DNMBP: variants seen among roughly 807,000 people sequenced by gnomAD.
DNMBP encodes dynamin-binding protein.
In DNMBP, 87 loss-of-function variants were observed where a neutral mutation model predicts 150.0. The ratio of observed to expected loss-of-function variants is 0.58; its 90% CI spans 0.49 to 0.69. DNMBP has a LOEUF of 0.69. DNMBP is among the 30% of genes least tolerant of loss of function. The pLI, the probability that DNMBP is intolerant of heterozygous loss-of-function variation, is 0.00. For synonymous variants in DNMBP, 711 were observed against 750.4 expected (o/e 0.95, Z 0.86); for missense variants, 1,774 against 1,949.0 (o/e 0.91, Z 1.69).
At chr10:99,890,904 C>A (rs973108261) in intron 11 of DNMBP, among the ~76,000 whole-genome samples, 5 of 152,136 alleles carry the variant, frequency 3.3e-5, no homozygotes, top group African/African-American at 1.2e-4. Flanking sequence ...ACCTCGGCCT[C>A]CCAAAGTGTT....
chr10:99,897,921 T>A (rs187479217), intron 9 of DNMBP, 165 bp downstream of exon 9: 129 of 640,544 alleles, frequency 2.0e-4, no homozygotes, highest in East Asian at 3.3e-4. Flanking sequence ...TCAAAAAAAA[T>A]AATAATAAAA....
chr10:100,008,421 C>T (rs1385627815), intron 1 of DNMBP, among the ~76,000 whole-genome samples: 3 of 152,196 alleles, frequency 2.0e-5, no homozygotes, highest in Admixed American at 2.0e-4. Context: ...CAGACTTGAG[C>T]TACTCTCCAC....
intron 1 of DNMBP, among the ~76,000 whole-genome samples, chr10:100,003,223 G>A (rs763003549): frequency 4.6e-5 from 7 of 152,036 alleles, no homozygotes; most frequent in African/African-American, 9.7e-5. Flanking sequence ...GGCACACACC[G>A]GTAGCCCCAG....
Position 99,955,556 on chromosome 10 carries a change from G to A in DNMBP, c.1918C>T (p.Arg640Ter), listed in dbSNP as rs1159828163. Residue 640 changes from arginine to a stop codon, truncating the protein, a stop_gained, in exon 4 of 17, where the codon CGA (arginine) becomes TGA (stop). Transcript: ENST00000324109. LOFTEE classifies it high-confidence loss of function. ...GGCAGGGGAGCTGGGCGAGAGGGTC[G>A]CACCACCAAGGGTGGTGCAGGTTTT... Reference protein sequence around the residue: ...NLKPAPPLVVRPSRPAPLPPS... With the variant: ...NLKPAPPLVV 2 of 1,601,170 alleles carry A rather than the reference G, an allele frequency of 1.2e-6. No individual in the cohort carries two copies. Among genetic ancestry groups the A allele is most frequent in the Non-Finnish European group, 1.7e-6 (2 of 1,174,258 alleles).
At chr10:99,892,914 C>G (rs2039595510) in intron 11 of DNMBP, among the ~76,000 whole-genome samples, 1 of 152,118 alleles carries the variant, frequency 6.6e-6, no homozygotes, top group African/African-American at 2.4e-5. Context: ...AGTCAATAAA[C>G]TGAGGTAGGG....
At chr10:99,946,509 G>T (rs1443459349) in intron 4 of DNMBP, among the ~76,000 whole-genome samples, 1 of 152,084 alleles carries the variant, frequency 6.6e-6, no homozygotes, top group African/African-American at 2.4e-5. Flanking sequence ...ATAAGCAATG[G>T]GGAAAGAATT....
intron 4 of DNMBP, among the ~76,000 whole-genome samples, chr10:99,936,735 T>G (rs912334567): frequency 8.5e-5 from 13 of 152,100 alleles, no homozygotes; most frequent in African/African-American, 3.1e-4. Context: ...GTTAGGGTCT[T>G]GCTCTGTTGC....
chr10:99,980,731 G>T (rs1199708490), intron 1 of DNMBP, among the ~76,000 whole-genome samples: 1 of 150,782 alleles, frequency 6.6e-6, no homozygotes, highest in Non-Finnish European at 1.5e-5. Flanking sequence ...CTTGAGCCCA[G>T]GAGATTGAGG....
chr10:99,987,520 G>A (rs1053433045), intron 1 of DNMBP, among the ~76,000 whole-genome samples: 3 of 152,138 alleles, frequency 2.0e-5, no homozygotes, highest in African/African-American at 7.2e-5. Context: ...GATCACCTGA[G>A]GTCAGGAGTT....
chr10:100,005,467 T>C (rs778511679), intron 1 of DNMBP, among the ~76,000 whole-genome samples: 2 of 152,168 alleles, frequency 1.3e-5, no homozygotes, highest in Non-Finnish European at 1.5e-5. Flanking sequence ...AAAACACTAC[T>C]CAGAGACCTG....
chr10:99,931,596 T>C (rs2040159031), intron 4 of DNMBP, among the ~76,000 whole-genome samples: 1 of 152,196 alleles, frequency 6.6e-6, no homozygotes, highest in Non-Finnish European at 1.5e-5. Context: ...ATTCATTTCT[T>C]AAACCTCTTT....
chr10:99,991,754 AAGTT>A (rs1309806688), intron 1 of DNMBP, among the ~76,000 whole-genome samples: 2 of 151,418 alleles, frequency 1.3e-5, no homozygotes, highest in Non-Finnish European at 2.9e-5. Context: ...AAAATACAAA[AAGTT>A]AGCCAGGCGT....
At chr10:99,877,876 C>G (rs1322746185) in intron 16 of DNMBP, among the ~76,000 whole-genome samples, 2 of 152,006 alleles carry the variant, frequency 1.3e-5, no homozygotes, top group African/African-American at 4.8e-5. Flanking sequence ...GGAACAAACA[C>G]CAATTTGGGA....
At chr10:99,951,358 A>G (rs192755428) in intron 4 of DNMBP, among the ~76,000 whole-genome samples, 13 of 152,332 alleles carry the variant, frequency 8.5e-5, no homozygotes, top group Admixed American at 7.8e-4. Flanking sequence ...CAGAGTCCCT[A>G]CTGGGGCACC....
intron 1 of DNMBP, among the ~76,000 whole-genome samples, chr10:100,006,890 G>A (rs749672658): frequency 6.6e-6 from 1 of 152,180 alleles, no homozygotes; most frequent in Non-Finnish European, 1.5e-5. Flanking sequence ...AAGGTGGGTG[G>A]ATCGCTTGAG....
intron 10 of DNMBP, 69 bp from the exon 11 acceptor site, chr10:99,895,119 TTGC>T: frequency 1.2e-6 from 1 of 854,672 alleles, no homozygotes; most frequent in Non-Finnish European, 1.8e-6. Flanking sequence ...CAAAAGTAGC[TTGC>T]TTTTTTTTTT....
In DNMBP at chr10:100,009,202, G is replaced by GTTA. The variant is rs1290622564; in HGVS notation, c.-11+635_-11+636insTAA. 4.6e-5 allele frequency among the ~76,000 whole-genome samples: 7 copies of GTTA among 152,336 alleles called. No individual in the cohort carries two copies. The East Asian group carries it at 1.2e-3, about 25-fold the overall frequency. ...TACTCCTCATCTGCATCAGGCCCCGGCCTGTTTGGTAACCTCAATATTCCT... is the reference window on the plus strand; with the variant it reads ...TACTCCTCATCTGCATCAGGCCCCGGTTACCTGTTTGGTAACCTCAATATTCCT... On this transcript the variant is annotated intron_variant, in intron 1 of 16. Coordinates refer to ENST00000324109, the MANE Select transcript of DNMBP (RefSeq NM_015221.4).
At chr10:99,944,564 G>A (rs915410948) in intron 4 of DNMBP, among the ~76,000 whole-genome samples, 1 of 152,126 alleles carries the variant, frequency 6.6e-6, no homozygotes, top group African/African-American at 2.4e-5. Flanking sequence ...TTGACTGGAA[G>A]CTCCTTGAGA....
At chr10:99,969,857 C>T (rs2040657175) in intron 2 of DNMBP, among the ~76,000 whole-genome samples, 1 of 152,180 alleles carries the variant, frequency 6.6e-6, no homozygotes, top group African/African-American at 2.4e-5. Context: ...ACTGCAGCGA[C>T]CTTCCAAATG....
Sources: allele counts gnomAD v4.1 joint callset (sites outside exome capture counted in the v4.1 genomes callset), GRCh38; gene constraint gnomAD v4.1.1; transcripts MANE v1.5; gene names NCBI Gene and HGNC (gene_info 2026-07-23, HGNC 2026-07-21).